VRK2: variants seen among roughly 807,000 people sequenced by gnomAD.
VRK2 encodes VRK serine/threonine kinase 2, also known as serine/threonine-protein kinase VRK2.
A neutral mutation model predicts 57.6 loss-of-function variants in VRK2; 60 were observed. That is an observed-to-expected ratio of 1.04 (90% confidence interval 0.85 to 1.29). The LOEUF (loss-of-function observed/expected upper bound fraction) is 1.29, where lower values mean the gene tolerates loss of function less well. Ranked by LOEUF, VRK2 falls within the 50% of genes most tolerant of loss-of-function variation. VRK2 has a pLI of 0.00. For synonymous variants in VRK2, 231 were observed against 199.2 expected (o/e 1.16, Z -1.35); for missense variants, 705 against 588.1 (o/e 1.20, Z -2.06).
rs1025421279 is a variant in VRK2, at chr2:58,101,127, A to T, written c.543+11404A>T. On this transcript the variant is annotated intron_variant, in intron 7 of 12. Coordinates refer to ENST00000340157, the MANE Select transcript of VRK2 (RefSeq NM_006296.7). ...AACAGCATAATAATTATGATTTAGA[A>T]TCCATGGTTTCGATATTTAAAATAT... Among the ~76,000 whole-genome samples the T allele has an allele frequency of 2.6e-5, 4 of 151,678 alleles. No homozygotes were observed. The East Asian group carries it at 5.8e-4, about 22-fold the overall frequency.
intron 7 of VRK2, among the ~76,000 whole-genome samples, chr2:58,117,647 G>T (rs1676728152): frequency 6.6e-6 from 1 of 151,818 alleles, no homozygotes; most frequent in African/African-American, 2.4e-5. Flanking sequence ...CAGACCATTT[G>T]CCCCTTTTAC....
At chr2:58,043,190 T>C (rs548857130), upstream of VRK2, among the ~76,000 whole-genome samples, 3 of 152,280 alleles carry the variant, frequency 2.0e-5, no homozygotes, top group East Asian at 1.9e-4. Flanking sequence ...GTTTAAATCA[T>C]AAGAACACTT....
intron 2 of VRK2, among the ~76,000 whole-genome samples, chr2:58,059,640 A>T (rs1003612156): frequency 6.6e-6 from 1 of 151,812 alleles, no homozygotes; most frequent in East Asian, 1.9e-4. Flanking sequence ...TTGGAAAATT[A>T]TTTTTAAATA....
At chr2:58,052,354 A>G (rs1310193813) in intron 2 of VRK2, among the ~76,000 whole-genome samples, 1 of 152,142 alleles carries the variant, frequency 6.6e-6, no homozygotes, top group Non-Finnish European at 1.5e-5. Flanking sequence ...GGCTCATGCC[A>G]GTAATCCTAG....
intron 3 of VRK2, among the ~76,000 whole-genome samples, chr2:58,039,215 A>G (rs993261683): frequency 2.0e-5 from 3 of 152,190 alleles, no homozygotes; most frequent in African/African-American, 7.2e-5. Context: ...ACATAGGATC[A>G]TATTCCAAGA....
chr2:57,927,484 T>C (rs1460296989), intron 1 of VRK2, among the ~76,000 whole-genome samples: 1 of 152,024 alleles, frequency 6.6e-6, no homozygotes, highest in Non-Finnish European at 1.5e-5. Flanking sequence ...AGCATGTTGA[T>C]CAGGTTGTTC....
intron 2 of VRK2, among the ~76,000 whole-genome samples, chr2:58,060,373 T>G (rs73942288): frequency 0.016 from 2,468 of 151,888 alleles, 58 homozygotes; most frequent in African/African-American, 0.057. Context: ...AGTATTTTTT[T>G]GGGGAGGGGA....
intron 1 of VRK2, among the ~76,000 whole-genome samples, chr2:57,992,992 G>T (rs577926492): frequency 6.6e-6 from 1 of 152,042 alleles, no homozygotes; most frequent in Admixed American, 6.6e-5. Flanking sequence ...TTAGTACCTC[G>T]GTTTCCATGC....
intron 1 of VRK2, among the ~76,000 whole-genome samples, chr2:58,007,727 T>C (rs1192203872): frequency 1.3e-5 from 2 of 152,166 alleles, no homozygotes; most frequent in Non-Finnish European, 1.5e-5. Flanking sequence ...TTTTCTACTG[T>C]GCAGGGAATC....
chr2:58,114,656 C>T (rs1270712155), intron 7 of VRK2, among the ~76,000 whole-genome samples: 8 of 151,756 alleles, frequency 5.3e-5, no homozygotes, highest in African/African-American at 1.5e-4. Context: ...TTCTACTTTT[C>T]TTGAAGACGG....
chr2:58,134,205 G>A (rs1237669351), intron 9 of VRK2, among the ~76,000 whole-genome samples: 1 of 152,094 alleles, frequency 6.6e-6, no homozygotes, highest in Non-Finnish European at 1.5e-5. Context: ...TAGAACCCCT[G>A]TACCCCAAGC....
chr2:58,136,820 A>C (rs1268255208), intron 10 of VRK2, among the ~76,000 whole-genome samples: 3 of 143,552 alleles, frequency 2.1e-5, no homozygotes, highest in African/African-American at 7.8e-5. Flanking sequence ...TATATCATAT[A>C]TGTGTGTATA....
intron 7 of VRK2, among the ~76,000 whole-genome samples, chr2:58,114,720 C>G (rs2104434676): frequency 6.6e-6 from 1 of 151,928 alleles, no homozygotes; most frequent in African/African-American, 2.4e-5. Context: ...TGAAAAACTG[C>G]TTGGCTGATT....
intron 1 of VRK2, among the ~76,000 whole-genome samples, chr2:57,958,563 A>G (rs1671660306): frequency 6.6e-6 from 1 of 151,904 alleles, no homozygotes; most frequent in Non-Finnish European, 1.5e-5. Flanking sequence ...GTTGTTTTCT[A>G]TTATTAAAAA....
intron 7 of VRK2, among the ~76,000 whole-genome samples, chr2:58,107,793 A>G (rs1360127331): frequency 1.3e-5 from 2 of 152,104 alleles, no homozygotes; most frequent in Non-Finnish European, 2.9e-5. Flanking sequence ...TGTTCACATT[A>G]GTGTCCTGCT....
At chr2:57,968,702 A>G (rs1025993888) in intron 1 of VRK2, among the ~76,000 whole-genome samples, 1 of 152,156 alleles carries the variant, frequency 6.6e-6, no homozygotes, top group Non-Finnish European at 1.5e-5. Flanking sequence ...GAGATAAATC[A>G]AAACTAAAAA....
At chr2:58,086,451 A>G (rs1200659012) in intron 5 of VRK2, 25 bp downstream of exon 5, 1 of 1,543,094 alleles carries the variant, frequency 6.5e-7, no homozygotes, top group African/African-American at 1.4e-5. Flanking sequence ...TTATAATCAA[A>G]TATTTCTTTA....
chr2:58,156,786 T>C (rs1404154449), intron 12 of VRK2, among the ~76,000 whole-genome samples: 1 of 152,186 alleles, frequency 6.6e-6, no homozygotes. Context: ...CTTGAACATA[T>C]TTATGTAGAT....
chr2:57,990,465 G>T (rs1672729002), intron 1 of VRK2, among the ~76,000 whole-genome samples: 1 of 152,146 alleles, frequency 6.6e-6, no homozygotes, highest in Admixed American at 6.5e-5. Context: ...TTGTCCAGAT[G>T]ATAGGACCAG....
Sources: allele counts gnomAD v4.1 joint callset (sites outside exome capture counted in the v4.1 genomes callset), GRCh38; gene constraint gnomAD v4.1.1; transcripts MANE v1.5; gene names NCBI Gene and HGNC (gene_info 2026-07-23, HGNC 2026-07-21).